Variants in SLCO1B1 observed in about 807,000 individuals in gnomAD.
SLCO1B1 encodes solute carrier organic anion transporter family member 1B1, also known as OATP-2.
Under a neutral mutation model 70.1 loss-of-function variants are expected in SLCO1B1, and 81 were observed. The observed-to-expected ratio is 1.16, with a 90% CI of 0.97 to 1.39. The LOEUF (loss-of-function observed/expected upper bound fraction) is 1.39, where lower values mean the gene tolerates loss of function less well. SLCO1B1 is among the 40% of genes most tolerant of loss of function. SLCO1B1 has a pLI of 0.00. For synonymous variants in SLCO1B1, 283 were observed against 271.5 expected, an observed-to-expected ratio of 1.04 and a Z score of -0.42; for missense variants, 895 against 799.6, an observed-to-expected ratio of 1.12 and a Z score of -1.44.
intron 2 of SLCO1B1, among the ~76,000 whole-genome samples, chr12:21,169,454 T>G (rs1027171200): frequency 1.3e-5 from 2 of 152,176 alleles, no homozygotes; most frequent in South Asian, 2.1e-4. Context: ...TTAGAAGTTC[T>G]GTCTTTGATT....
In SLCO1B1 at chr12:21,178,734, A is replaced by G; in HGVS notation, c.628+12A>G. On this transcript the variant is annotated intron_variant, in intron 6 of 14. Coordinates refer to ENST00000256958, the MANE Select transcript of SLCO1B1 (RefSeq NM_006446.5). The stretch of plus-strand genomic sequence containing the variant: ...TTCTTTGTATTTAGGTAATGTACAC[A>G]AAATATTAAATTGTATGATCACTTT... 6.3e-7 allele frequency: 1 copy of G among 1,591,988 alleles called. No homozygotes were observed. Among genetic ancestry groups the G allele is most frequent in the Admixed American group, 1.7e-5 (1 of 59,958 alleles).
Position 21,132,227 on chromosome 12 carries a change from C to G in SLCO1B1, c.-62+991C>G, listed in dbSNP as rs12810599. Among the ~76,000 whole-genome samples, 11 of 152,228 alleles carry G rather than the reference C, an allele frequency of 7.2e-5. No individual in the cohort carries two copies. The South Asian group carries it at 2.3e-3, about 32-fold the overall frequency. On this transcript the variant is annotated intron_variant, in intron 1 of 14. Transcript: ENST00000256958. ...ATGTGTGCCACATTTTCTTAATCCA[C>G]TCTATCGTTGTTGGACATTTAGGTT... is the stretch of plus-strand genomic sequence containing the variant.
At chr12:21,218,928 A>G (rs1941391684) in intron 12 of SLCO1B1, among the ~76,000 whole-genome samples, 1 of 152,220 alleles carries the variant, frequency 6.6e-6, no homozygotes, top group African/African-American at 2.4e-5. Flanking sequence ...TAGTTTTCTA[A>G]TGCTTAACAC....
intron 2 of SLCO1B1, among the ~76,000 whole-genome samples, chr12:21,163,723 C>T (rs1344960914): frequency 1.3e-5 from 2 of 152,062 alleles, no homozygotes; most frequent in Non-Finnish European, 2.9e-5. Context: ...TAAAAGGGTA[C>T]AAATCTCATT....
chr12:21,212,967 T>A (rs1941306565), intron 11 of SLCO1B1, among the ~76,000 whole-genome samples: 1 of 151,922 alleles, frequency 6.6e-6, no homozygotes, highest in Admixed American at 6.6e-5. Flanking sequence ...TCTCTGCACG[T>A]GAGATGGGTC....
At chr12:21,223,234 G>A (rs4149078) in intron 13 of SLCO1B1, among the ~76,000 whole-genome samples, 51,715 of 151,860 alleles carry the variant, frequency 0.34, 9,156 homozygotes, top group East Asian at 0.45. Flanking sequence ...ATCCTATTTC[G>A]ATGTATCCAA....
chr12:21,168,212 CATATT>C (rs79452485), intron 2 of SLCO1B1, among the ~76,000 whole-genome samples: 50,452 of 151,616 alleles, frequency 0.33, 10,063 homozygotes, highest in Non-Finnish European at 0.45. Flanking sequence ...GAGGTTCATC[CATATT>C]GTAGCACATG....
In SLCO1B1 at chr12:21,224,763, A is replaced by G; in HGVS notation, c.1789A>G (p.Thr597Ala). The change falls in exon 14 of 15, where the codon ACA becomes GCA. Residue 597 changes from threonine to alanine, a missense_variant. Physicochemically the swap from Thr to Ala is moderately conservative, Grantham distance 58 (BLOSUM62 0). Transcript: ENST00000256958. ...AATATATTTTGGGGCTCTGATTGAT[A>G]CAACGTGTATAAAGTGGTCCACCAA... Reference protein sequence around the residue: ...APIYFGALIDTTCIKWSTNNC... With the variant: ...APIYFGALIDATCIKWSTNNC... The G allele has an allele frequency of 6.2e-7, 1 of 1,612,470 alleles. No homozygotes were observed.
At chr12:21,234,918 C>T (rs1026011548) in intron 14 of SLCO1B1, among the ~76,000 whole-genome samples, 5 of 151,916 alleles carry the variant, frequency 3.3e-5, no homozygotes, top group African/African-American at 1.2e-4. Context: ...TTTGTTATAA[C>T]TCTGATTTTT....
chr12:21,217,661 A>G (rs1941375655), intron 12 of SLCO1B1, among the ~76,000 whole-genome samples: 4 of 152,170 alleles, frequency 2.6e-5, no homozygotes. Context: ...CTCTCAGGGT[A>G]AATCTATTGA....
intron 14 of SLCO1B1, among the ~76,000 whole-genome samples, chr12:21,228,625 G>C (rs948211486): frequency 1.3e-5 from 2 of 152,284 alleles, no homozygotes; most frequent in Non-Finnish European, 2.9e-5. Context: ...TCAGAAGGAT[G>C]TGATGTGAGA....
chr12:21,168,982 T>C (rs201877340), intron 2 of SLCO1B1, among the ~76,000 whole-genome samples: 1 of 143,350 alleles, frequency 7.0e-6, no homozygotes, highest in African/African-American at 2.7e-5. Context: ...TTTTATTTTT[T>C]TCTGGAAGTT....
At chr12:21,141,360 T>C (rs1940304644) in intron 1 of SLCO1B1, among the ~76,000 whole-genome samples, 154 bp from the exon 2 acceptor site, 2 of 152,082 alleles carry the variant, frequency 1.3e-5, no homozygotes, top group South Asian at 4.1e-4. Flanking sequence ...TACTTTTGTT[T>C]CCAGCATTGA....
chr12:21,143,860 T>C lies in SLCO1B1; in HGVS notation c.84+2202T>C, dbSNP rs111239511. ...GTTAAATTATTGAGTGTCAAGCAACTGTGGATTCTAACACTTGCTAACATG... is the reference window on the plus strand; with the variant it reads ...GTTAAATTATTGAGTGTCAAGCAACCGTGGATTCTAACACTTGCTAACATG... On this transcript the variant is annotated intron_variant, in intron 2 of 14. Transcript: ENST00000256958. Among the ~76,000 whole-genome samples the C allele has an allele frequency of 9.2e-5, 14 of 152,226 alleles. 1 individual carries two copies. The highest frequency in any genetic ancestry group is 3.3e-4 in the Admixed American group (5 of 15,268).
chr12:21,155,267 G>A (rs1315613943), intron 2 of SLCO1B1, among the ~76,000 whole-genome samples: 1 of 150,798 alleles, frequency 6.6e-6, no homozygotes, highest in Non-Finnish European at 1.5e-5. Context: ...ACCTATATAT[G>A]CTTTCAATGT....
At chr12:21,168,826 A>G (rs1940723914) in intron 2 of SLCO1B1, among the ~76,000 whole-genome samples, 2 of 152,098 alleles carry the variant, frequency 1.3e-5, no homozygotes, top group East Asian at 1.9e-4. Flanking sequence ...GTGCCATTCC[A>G]TAGGTTATCT....
rs566416772 is a variant in SLCO1B1, at chr12:21,197,716, G to A, written c.970+528G>A. 5.9e-5 allele frequency among the ~76,000 whole-genome samples: 9 copies of A among 151,920 alleles called. No individual in the cohort carries two copies. The East Asian group carries it at 1.7e-3, about 29-fold the overall frequency. On this transcript the variant is annotated intron_variant, in intron 8 of 14. Coordinates refer to ENST00000256958, the MANE Select transcript of SLCO1B1 (RefSeq NM_006446.5). ...GAGATGGATTAAGGAGAAGGAAGTC[G>A]GGAGAAGTTTCTCCCTATGTAATTA...
At chr12:21,177,899 C>T (rs2121106660) in intron 5 of SLCO1B1, among the ~76,000 whole-genome samples, 1 of 152,138 alleles carries the variant, frequency 6.6e-6, no homozygotes, top group South Asian at 2.1e-4. Flanking sequence ...ATGGTGTTAA[C>T]TGTGTATACC....
intron 1 of SLCO1B1, among the ~76,000 whole-genome samples, chr12:21,136,738 T>A (rs939012206): frequency 8.5e-5 from 13 of 152,216 alleles, no homozygotes; most frequent in Non-Finnish European, 1.9e-4. Context: ...TTGTCTGATT[T>A]TTTTTCAAAG....
Sources: allele counts gnomAD v4.1 joint callset (sites outside exome capture counted in the v4.1 genomes callset), GRCh38; gene constraint gnomAD v4.1.1; transcripts MANE v1.5; gene names NCBI Gene and HGNC (gene_info 2026-07-23, HGNC 2026-07-21).